WWOX: variants seen among roughly 807,000 people sequenced by gnomAD.
WWOX encodes the protein WW domain-containing oxidoreductase.
A neutral mutation model predicts 46.2 loss-of-function variants in WWOX; 69 were observed. That is an observed-to-expected ratio of 1.49 (90% CI 1.23 to 1.82). The LOEUF (loss-of-function observed/expected upper bound fraction) is 1.82, where lower values mean the gene tolerates loss of function less well. WWOX is among the 40% of genes most tolerant of loss of function. The probability of loss-of-function intolerance (pLI) is 0.00; values close to 1 mark genes in which losing one functional copy is unlikely to be tolerated. For missense variants in WWOX, 919 were observed against 542.6 expected, an observed-to-expected ratio of 1.69 and a Z score of -6.89; for synonymous variants, 359 against 202.6, an observed-to-expected ratio of 1.77 and a Z score of -6.56.
chr16:79,209,996 G>GAGAT (rs1213639513), intron 8 of WWOX, among the ~76,000 whole-genome samples: 1 of 152,206 alleles, frequency 6.6e-6, no homozygotes, highest in African/African-American at 2.4e-5. Flanking sequence ...ATAATGGAGG[G>GAGAT]AGATTGGGGA....
intron 2 of WWOX, among the ~76,000 whole-genome samples, chr16:78,108,705 T>A (rs900176142): frequency 7.9e-5 from 12 of 152,194 alleles, no homozygotes; most frequent in Non-Finnish European, 1.6e-4. Flanking sequence ...AGTACCAAAA[T>A]GGCCAGATGT....
At chr16:78,964,118 A>G (rs1597212849) in intron 8 of WWOX, among the ~76,000 whole-genome samples, 1 of 152,202 alleles carries the variant, frequency 6.6e-6, no homozygotes, top group South Asian at 2.1e-4. Context: ...AAATGGACTA[A>G]TACAGTGAAT....
chr16:79,006,536 A>G (rs1009788961), intron 8 of WWOX, among the ~76,000 whole-genome samples: 15 of 152,016 alleles, frequency 9.9e-5, no homozygotes, highest in East Asian at 1.9e-4. Context: ...TTTCCATCCA[A>G]CAGACATTTG....
chr16:78,794,702 A>G (rs1344893216), intron 8 of WWOX, among the ~76,000 whole-genome samples: 5 of 152,204 alleles, frequency 3.3e-5, no homozygotes, highest in African/African-American at 9.7e-5. Flanking sequence ...CTTTGTCATT[A>G]CGCTTACTGT....
At chr16:78,491,233 C>G (rs1309165997) in intron 8 of WWOX, among the ~76,000 whole-genome samples, 1 of 152,184 alleles carries the variant, frequency 6.6e-6, no homozygotes, top group Non-Finnish European at 1.5e-5. Flanking sequence ...TAATCACCTT[C>G]CCTCTCAGTC....
rs138740290 is a variant in WWOX, at chr16:78,807,679, A to G, written c.1056+374927A>G. Among the ~76,000 whole-genome samples the G allele has an allele frequency of 6.6e-5, 10 of 152,354 alleles. No homozygotes were observed. In the East Asian group the frequency reaches 1.9e-3, roughly 29 times the overall value. On this transcript the variant is annotated intron_variant, in intron 8 of 8. Coordinates refer to ENST00000566780, the MANE Select transcript of WWOX (RefSeq NM_016373.4). ...TGAAGGGCGCCAGCCTGTAATGGGCATCAGCTGATTCTCAGAAAGAAGAAA... is the reference window on the plus strand; with the variant it reads ...TGAAGGGCGCCAGCCTGTAATGGGCGTCAGCTGATTCTCAGAAAGAAGAAA...
intron 5 of WWOX, among the ~76,000 whole-genome samples, chr16:78,165,312 A>G (rs1463150967): frequency 6.6e-6 from 1 of 152,192 alleles, no homozygotes; most frequent in African/African-American, 2.4e-5. Flanking sequence ...GCTGGGGTCT[A>G]CTGTTAAGGA....
intron 8 of WWOX, among the ~76,000 whole-genome samples, chr16:78,613,237 C>T (rs1016679202): frequency 6.6e-6 from 1 of 152,154 alleles, no homozygotes; most frequent in East Asian, 1.9e-4. Context: ...TCCTGACATT[C>T]CCAACATCTC....
At chr16:79,019,389 A>G (rs2047485899) in intron 8 of WWOX, among the ~76,000 whole-genome samples, 1 of 152,190 alleles carries the variant, frequency 6.6e-6, no homozygotes, top group South Asian at 2.1e-4. Context: ...AAAGCTATGC[A>G]ACGTGTGATT....
At chr16:79,060,618 A>G (rs564829813) in intron 8 of WWOX, among the ~76,000 whole-genome samples, 1 of 152,360 alleles carries the variant, frequency 6.6e-6, no homozygotes, top group South Asian at 2.1e-4. Flanking sequence ...TGTCTTCAAA[A>G]GCAACTGGAC....
chr16:78,677,686 T>C (rs1244454185), intron 8 of WWOX, among the ~76,000 whole-genome samples: 5 of 152,182 alleles, frequency 3.3e-5, no homozygotes, highest in Non-Finnish European at 7.4e-5. Flanking sequence ...CTCTATCTTA[T>C]CTCTTGTGAT....
chr16:78,456,183 G>C (rs1376066177), intron 8 of WWOX, among the ~76,000 whole-genome samples: 1 of 152,186 alleles, frequency 6.6e-6, no homozygotes, highest in Non-Finnish European at 1.5e-5. Context: ...GGTTGTGTCT[G>C]AGATTCAGAG....
rs980291913 is a variant in WWOX, at chr16:78,486,918, T to A, written c.1056+54166T>A. Among the ~76,000 whole-genome samples the A allele has an allele frequency of 5.3e-5, 8 of 152,304 alleles. No individual in the cohort carries two copies. The East Asian group carries it at 1.2e-3, about 22-fold the overall frequency. ...GCACCTTGGGTTCGGGTGAAGTTGATGATCTATTCCTAATGCAGGCTCATT... is the reference window on the plus strand; with the variant it reads ...GCACCTTGGGTTCGGGTGAAGTTGAAGATCTATTCCTAATGCAGGCTCATT... On this transcript the variant is annotated intron_variant, in intron 8 of 8. Transcript: ENST00000566780.
chr16:78,108,391 C>G (rs2032283737), intron 1 of WWOX, 32 bp from the exon 2 acceptor site: 2 of 1,602,106 alleles, frequency 1.2e-6, no homozygotes, highest in Non-Finnish European at 1.7e-6. Context: ...TTAATTTTTA[C>G]TTATTACTGT....
intron 8 of WWOX, among the ~76,000 whole-genome samples, chr16:79,071,030 C>G (rs1169651814): frequency 6.6e-6 from 1 of 152,180 alleles, no homozygotes; most frequent in Admixed American, 6.5e-5. Context: ...GGATGCAGCC[C>G]ATACGTGAAT....
intron 8 of WWOX, among the ~76,000 whole-genome samples, chr16:78,768,182 A>G (rs1323995005): frequency 4.0e-5 from 6 of 151,452 alleles, no homozygotes; most frequent in African/African-American, 1.2e-4. Context: ...TTTTATAAGC[A>G]AAGAAGTACA....
chr16:78,172,544 C>G (rs1262637049), intron 5 of WWOX, among the ~76,000 whole-genome samples: 1 of 151,116 alleles, frequency 6.6e-6, no homozygotes, highest in East Asian at 1.9e-4. Context: ...CCGACTTAGT[C>G]TTGAATGTTA....
At chr16:79,092,103 T>G (rs1567544139) in intron 8 of WWOX, among the ~76,000 whole-genome samples, 1 of 152,048 alleles carries the variant, frequency 6.6e-6, no homozygotes, top group Non-Finnish European at 1.5e-5. Flanking sequence ...TTTAAAGAAA[T>G]GTGTAATTCA....
At chr16:78,808,571 G>A (rs931755251) in intron 8 of WWOX, among the ~76,000 whole-genome samples, 3 of 152,160 alleles carry the variant, frequency 2.0e-5, no homozygotes, top group African/African-American at 7.2e-5. Context: ...AAAGTCAGTA[G>A]CCAACATTCT....
Sources: allele counts gnomAD v4.1 joint callset (sites outside exome capture counted in the v4.1 genomes callset), GRCh38; gene constraint gnomAD v4.1.1; transcripts MANE v1.5; gene names NCBI Gene and HGNC (gene_info 2026-07-23, HGNC 2026-07-21).